Variants in TNS1 observed in about 807,000 individuals in gnomAD.
The protein encoded by TNS1 is tensin-1.
Under a neutral mutation model 168.6 loss-of-function variants are expected in TNS1, and 62 were observed. The observed-to-expected ratio is 0.37, with a 90% confidence interval of 0.30 to 0.45. The LOEUF (loss-of-function observed/expected upper bound fraction) is 0.45, where lower values mean the gene tolerates loss of function less well. TNS1 is among the 20% of genes least tolerant of loss of function. The pLI is 1.00. For synonymous variants in TNS1, 934 were observed against 933.2 expected (o/e 1.00, Z -0.02); for missense variants, 2,240 against 2,339.4 (o/e 0.96, Z 0.88).
intron 1 of TNS1, among the ~76,000 whole-genome samples, chr2:218,022,064 G>A (rs549804488): frequency 6.6e-5 from 10 of 152,276 alleles, no homozygotes; most frequent in East Asian, 1.9e-4. Context: ...ATCGGGGGGC[G>A]AGGAGGAACA....
intron 2 of TNS1, among the ~76,000 whole-genome samples, chr2:217,979,757 G>T (rs1170094585): frequency 6.6e-6 from 1 of 152,148 alleles, no homozygotes; most frequent in Non-Finnish European, 1.5e-5. Flanking sequence ...CTTGTTGGCT[G>T]CCCAGGACCT....
At chr2:217,895,757 G>A (rs942303571) in intron 8 of TNS1, among the ~76,000 whole-genome samples, 1 of 152,074 alleles carries the variant, frequency 6.6e-6, no homozygotes, top group Non-Finnish European at 1.5e-5. Flanking sequence ...CCAGTCTCTG[G>A]AATTCCTGCC....
chr2:217,869,091 G>A (rs1277345112), intron 18 of TNS1, among the ~76,000 whole-genome samples: 1 of 152,230 alleles, frequency 6.6e-6, no homozygotes, highest in Non-Finnish European at 1.5e-5. Context: ...CAGATCCCTT[G>A]AAGCCTTTTC....
chr2:217,923,635 C>T (rs867449535), intron 3 of TNS1, among the ~76,000 whole-genome samples: 7 of 152,204 alleles, frequency 4.6e-5, no homozygotes, highest in African/African-American at 7.2e-5. Flanking sequence ...ACAATGCTCA[C>T]GGAGTGAGTG....
chr2:217,939,670 C>G (rs1368169189), intron 3 of TNS1, among the ~76,000 whole-genome samples: 1 of 152,218 alleles, frequency 6.6e-6, no homozygotes, highest in Non-Finnish European at 1.5e-5. Flanking sequence ...CTCCCCAGGC[C>G]CCCGCCTTGC....
upstream of TNS1, among the ~76,000 whole-genome samples, chr2:218,010,930 A>G (rs538826255): frequency 6.6e-6 from 1 of 152,172 alleles, no homozygotes; most frequent in African/African-American, 2.4e-5. Context: ...TCCCACCTCC[A>G]ACCTCTGACC....
chr2:217,907,989 C>T (rs932113304), intron 4 of TNS1, among the ~76,000 whole-genome samples: 1 of 152,214 alleles, frequency 6.6e-6, no homozygotes, highest in African/African-American at 2.4e-5. Flanking sequence ...CACCTCTGAA[C>T]TCCAATCACC....
At chr2:217,923,093 G>A (rs1955818458) in intron 3 of TNS1, among the ~76,000 whole-genome samples, 1 of 152,176 alleles carries the variant, frequency 6.6e-6, no homozygotes, top group Non-Finnish European at 1.5e-5. Context: ...CCACAGTCCT[G>A]GAGTCCCCAG....
Position 217,813,921 on chromosome 2 carries a change from G to C in TNS1, c.4730-105C>G. The C allele has an allele frequency of 1.5e-6, 2 of 1,347,858 alleles. No individual in the cohort carries two copies. The highest frequency in any genetic ancestry group is 1.9e-6 in the Non-Finnish European group (2 of 1,034,994). The allele number at this position is 1,347,858 out of a possible 1,614,324, so 83.5% of individuals were successfully genotyped here. Reference sequence around the variant, plus strand: ...CCGACCTTCGTTCTTTCTTAGGTGAGACAAATTTTCTTTAAAGTTAAAATT... The same window carrying C: ...CCGACCTTCGTTCTTTCTTAGGTGACACAAATTTTCTTTAAAGTTAAAATT... On this transcript the variant is annotated intron_variant, in intron 25 of 32. Transcript: ENST00000682258. This position sits in a 1 kb window ranked among gnomAD's most constrained non-coding sequence, Gnocchi z 4.0.
rs561164162 is a variant in TNS1, at chr2:218,030,974, CTG to C, written c.156+2844_156+2845del. ...GTATGTGTGTGAGCATGTGTGTGAA[CTG>C]TGTGTATGAGTGTATGTATGAGTGT... On this transcript the variant is annotated intron_variant, in intron 1 of 1. Transcript: ENST00000649572. Among the ~76,000 whole-genome samples, 1,124 of 149,906 alleles carry C rather than the reference CTG, an allele frequency of 7.5e-3. 12 individuals carry two copies. The highest frequency in any genetic ancestry group is 0.026 in the African/African-American group (1,059 of 40,830).
intron 18 of TNS1, among the ~76,000 whole-genome samples, chr2:217,872,708 A>T (rs1574899559): frequency 6.6e-6 from 1 of 152,214 alleles, no homozygotes; most frequent in African/African-American, 2.4e-5. Flanking sequence ...GAGCAATGAC[A>T]ACCTAAGTCC....
intron 3 of TNS1, among the ~76,000 whole-genome samples, chr2:217,958,369 C>T (rs1002153805): frequency 8.5e-5 from 13 of 152,196 alleles, no homozygotes; most frequent in African/African-American, 2.7e-4. Context: ...ACGGCAGTCA[C>T]GCACCCTCTT....
At chr2:217,885,977 C>G (rs1263043741) in intron 14 of TNS1, 67 bp downstream of exon 14, 1 of 1,591,878 alleles carries the variant, frequency 6.3e-7, no homozygotes, top group Admixed American at 1.7e-5. Flanking sequence ...TCTCCCCAAC[C>G]TTCTGACCTG....
chr2:217,886,484 G>T, intron 13 of TNS1, 50 bp downstream of exon 13: 1 of 1,425,696 alleles, frequency 7.0e-7, no homozygotes, highest in Non-Finnish European at 9.7e-7. Flanking sequence ...GATGGAAGAT[G>T]AAAGGGAGGA....
chr2:218,014,480 C>T (rs186999104), upstream of TNS1, among the ~76,000 whole-genome samples: 65 of 152,252 alleles, frequency 4.3e-4, no homozygotes, highest in African/African-American at 1.5e-3. Flanking sequence ...CAACCATATA[C>T]AAGGCACGGA....
At chr2:217,912,678 G>A (rs1954560336) in intron 4 of TNS1, among the ~76,000 whole-genome samples, 1 of 152,158 alleles carries the variant, frequency 6.6e-6, no homozygotes, top group Non-Finnish European at 1.5e-5. Context: ...CAGAAGGGAA[G>A]GGCAGGGAAA....
chr2:217,924,602 A>G (rs1955914281), intron 3 of TNS1, among the ~76,000 whole-genome samples: 1 of 152,224 alleles, frequency 6.6e-6, no homozygotes, highest in Non-Finnish European at 1.5e-5. Flanking sequence ...TGTGGCCACA[A>G]TCGCTGCCAT....
intron 1 of TNS1, among the ~76,000 whole-genome samples, chr2:218,031,187 T>G (rs956897032): frequency 6.8e-6 from 1 of 146,926 alleles, no homozygotes; most frequent in African/African-American, 2.6e-5. Context: ...TGAGTGTGAA[T>G]GTGTCTGTAT....
At chr2:217,896,131 GC>G (rs1373538666) in intron 8 of TNS1, among the ~76,000 whole-genome samples, 1 of 152,226 alleles carries the variant, frequency 6.6e-6, no homozygotes, top group Non-Finnish European at 1.5e-5. Context: ...GGACACAGAA[GC>G]TAGGGCTTAG....
Sources: allele counts gnomAD v4.1 joint callset (sites outside exome capture counted in the v4.1 genomes callset), GRCh38; gene constraint gnomAD v4.1.1; non-coding constraint Gnocchi (gnomAD v3.1); transcripts MANE v1.5; gene names NCBI Gene and HGNC (gene_info 2026-07-23, HGNC 2026-07-21).